OR8B3: variants seen among roughly 807,000 people sequenced by gnomAD.
OR8B3 encodes olfactory receptor family 8 subfamily B member 3.
For synonymous variants in OR8B3, 102 were observed against 135.4 expected, an observed-to-expected ratio of 0.75 and a Z score of 1.71; for missense variants, 278 against 377.6, an observed-to-expected ratio of 0.74 and a Z score of 2.19.
rs1396241538 is a variant in OR8B3 at position 124,396,620 on chromosome 11, A to C, written c.732T>G (p.His244Gln). 6.2e-7 allele frequency: 1 copy of C among 1,612,266 alleles called. No individual in the cohort carries two copies. Among genetic ancestry groups the C allele is most frequent in the African/African-American group, 1.3e-5 (1 of 74,710 alleles). ...CAAAAAACAGAGACAGAGCAATGAC[A>C]TGAGAGCTACAAGTACTGAAGGCTT... is the stretch of plus-strand genomic sequence containing the variant. ...RSKAFSTCSS[H>Q]VIALSLFFGS... is the part of the protein sequence containing the mutation. Residue 244 changes from histidine (H) to glutamine (Q), a missense_variant, in exon 2 of 2, where the codon CAT becomes CAG. Transcript: ENST00000641139.
At chr11:124,406,738 T>C in the OR8B3 span, among the ~76,000 whole-genome samples, 1 of 151,936 alleles carries the variant, frequency 6.6e-6, no homozygotes, top group African/African-American at 2.4e-5. Context: ...CACTTGATTT[T>C]CTAATGTGGG....
At chr11:124,403,387 C>G (rs1423638859), upstream of OR8B3, among the ~76,000 whole-genome samples, 1 of 151,870 alleles carries the variant, frequency 6.6e-6, no homozygotes, top group African/African-American at 2.4e-5. Flanking sequence ...GGGCTCCTCA[C>G]TTCTCGGACG....
chr11:124,409,693 A>G, the OR8B3 span, among the ~76,000 whole-genome samples: 4 of 152,204 alleles, frequency 2.6e-5, no homozygotes, highest in Non-Finnish European at 4.4e-5. Context: ...AAGCAAAGGT[A>G]TATCAGCTCA....
At chr11:124,403,982 G>A (rs376512332), upstream of OR8B3, among the ~76,000 whole-genome samples, 178 of 152,272 alleles carry the variant, frequency 1.2e-3, 1 homozygote, top group South Asian at 4.2e-3. Context: ...GCGTGGCGGC[G>A]CGCGCCTGCA....
Position 124,396,536 on chromosome 11 carries a change from A to C in OR8B3, c.816T>G (p.Val272=). 1 of 1,613,992 alleles carries C rather than the reference A, an allele frequency of 6.2e-7. No individual in the cohort carries two copies. Residue 272 remains valine, a synonymous_variant, in exon 2 of 2, where the codon GTT becomes GTG. Coordinates refer to ENST00000641139, the MANE Select transcript of OR8B3 (RefSeq NM_001005467.2). The part of the protein sequence containing the change: ...YSSGSMEQGK[V]SSVFYTNVVP... ...CCACATTAGTGTAGAAAACAGAAGA[A>C]ACTTTTCCCTGCTCCATAGATCCAG...
chr11:124,395,638 T>A lies in OR8B3; in HGVS notation c.*772A>T, dbSNP rs553971871. On this transcript the variant is annotated 3_prime_UTR_variant, in exon 2 of 2. Coordinates refer to ENST00000641139, the MANE Select transcript of OR8B3 (RefSeq NM_001005467.2). The stretch of plus-strand genomic sequence containing the variant: ...AGGAACTACACGCTTTTTTCAAAAT[T>A]TTCAATGCTGTTTTAGATAGCAATG... 3 of 152,320 alleles carry A rather than the reference T, an allele frequency of 2.0e-5. 1 individual carries two copies. The South Asian group carries it at 6.2e-4, about 32-fold the overall frequency. 9.4% of individuals were successfully genotyped at this position (152,320 alleles called of 1,614,324 possible).
Position 124,396,729 on chromosome 11 carries a change from A to T in OR8B3, c.623T>A (p.Met208Lys), listed in dbSNP as rs201463002. The change falls in exon 2 of 2, where the codon ATG becomes AAG. Residue 208 changes from methionine (M) to lysine (K), a missense_variant. Coordinates refer to ENST00000641139, the MANE Select transcript of OR8B3 (RefSeq NM_001005467.2). ...VVLIVVGINIMVPSCTILISY... is the reference protein window; with the variant it reads ...VVLIVVGINIKVPSCTILISY... Reference sequence around the variant, plus strand: ...AATGAGGATGGTACAACTGGGTACCATGATATTAATACCCACAACAATGAG... The same window carrying T: ...AATGAGGATGGTACAACTGGGTACCTTGATATTAATACCCACAACAATGAG... 2 of 1,613,596 alleles carry T rather than the reference A, an allele frequency of 1.2e-6. No individual in the cohort carries two copies. The highest frequency in any genetic ancestry group is 2.7e-5 in the African/African-American group (2 of 74,912).
At chr11:124,407,134 T>C in the OR8B3 span, among the ~76,000 whole-genome samples, 1 of 152,146 alleles carries the variant, frequency 6.6e-6, no homozygotes, top group African/African-American at 2.4e-5. Flanking sequence ...AAAAATTTCA[T>C]CTTCTCAAAA....
chr11:124,398,517 T>G (rs566284496), intron 1 of OR8B3, among the ~76,000 whole-genome samples, 173 bp downstream of exon 1: 1 of 152,352 alleles, frequency 6.6e-6, no homozygotes, highest in Non-Finnish European at 1.5e-5. Flanking sequence ...GGAACTGCTA[T>G]TGCTATCTTG....
At chr11:124,400,864 C>T (rs955569622), upstream of OR8B3, among the ~76,000 whole-genome samples, 2 of 151,838 alleles carry the variant, frequency 1.3e-5, no homozygotes, top group South Asian at 4.2e-4. Context: ...TCACACCCAG[C>T]GTAATTTTAA....
At chr11:124,403,288 T>C (rs1861025573), upstream of OR8B3, among the ~76,000 whole-genome samples, 1 of 152,202 alleles carries the variant, frequency 6.6e-6, no homozygotes, top group African/African-American at 2.4e-5. Context: ...TTCCCCCTTT[T>C]CTATTGGACA....
At chr11:124,409,651 T>G in the OR8B3 span, among the ~76,000 whole-genome samples, 1 of 152,198 alleles carries the variant, frequency 6.6e-6, no homozygotes, top group East Asian at 1.9e-4. Context: ...ATAACTTACT[T>G]GTGGAGTTTA....
chr11:124,405,781 C>A, the OR8B3 span, among the ~76,000 whole-genome samples: 2 of 152,238 alleles, frequency 1.3e-5, no homozygotes, highest in African/African-American at 2.4e-5. Flanking sequence ...GAGAATGATT[C>A]TTTCCATTGC....
upstream of OR8B3, among the ~76,000 whole-genome samples, chr11:124,402,757 G>A (rs1182252260): frequency 1.3e-5 from 2 of 152,122 alleles, no homozygotes; most frequent in African/African-American, 4.8e-5. Context: ...TCAGATTTCT[G>A]CATGGTAGAG....
chr11:124,407,226 T>A, the OR8B3 span, among the ~76,000 whole-genome samples: 3 of 152,192 alleles, frequency 2.0e-5, no homozygotes, highest in Non-Finnish European at 4.4e-5. Flanking sequence ...AAATCTAACA[T>A]TTTGAGATCT....
chr11:124,407,411 A>G, the OR8B3 span, among the ~76,000 whole-genome samples: 1 of 152,154 alleles, frequency 6.6e-6, no homozygotes, highest in South Asian at 2.1e-4. Flanking sequence ...GAGAGTTCTC[A>G]TATACCCCAC....
chr11:124,396,968 A>T lies in OR8B3; in HGVS notation c.384T>A (p.Asn128Lys). The T allele has an allele frequency of 6.2e-7, 1 of 1,613,554 alleles. No homozygotes were observed. The highest frequency in any genetic ancestry group is 2.2e-5 in the East Asian group (1 of 44,848). ...ACATGGTGACCTTATACAGCAATGG[A>T]TTACAGATGGCCACATAGCGATCAT... The part of the protein sequence containing the change: ...MAYDRYVAIC[N>K]PLLYKVTMSH... The change falls in exon 2 of 2, where the codon AAT becomes AAA. Residue 128 changes from asparagine (N) to lysine (K), a missense_variant. Physicochemically the swap from Asn to Lys is moderately conservative, Grantham distance 94. Transcript: ENST00000641139.
rs1360835312 is a variant in OR8B3 at position 124,395,716 on chromosome 11, C to G, written c.*694G>C. On this transcript the variant is annotated 3_prime_UTR_variant, in exon 2 of 2. Coordinates refer to ENST00000641139, the MANE Select transcript of OR8B3 (RefSeq NM_001005467.2). ...GACCCACTTATTGGAATCCTGAGGT[C>G]CACATGTATTATTTCTCTAATCATC... The G allele has an allele frequency of 6.6e-6, 1 of 152,082 alleles. No homozygotes were observed. Among genetic ancestry groups the G allele is most frequent in the South Asian group, 2.1e-4 (1 of 4,828 alleles). 9.4% of individuals were successfully genotyped at this position (152,082 alleles called of 1,614,324 possible). A position where few individuals can be genotyped will look rare whatever the true frequency, so the allele number is the denominator to read the frequency against.
upstream of OR8B3, among the ~76,000 whole-genome samples, chr11:124,403,981 C>T (rs962322323): frequency 1.2e-4 from 18 of 152,260 alleles, no homozygotes; most frequent in African/African-American, 2.2e-4. Flanking sequence ...GGCGTGGCGG[C>T]GCGCGCCTGC....
Sources: gnomAD v4.1 joint callset for allele counts (sites outside exome capture counted in the v4.1 genomes callset) on GRCh38, gnomAD v4.1.1 for gene constraint, MANE v1.5 for transcripts, NCBI Gene and HGNC (gene_info 2026-07-23, HGNC 2026-07-21) for gene names.